Variants in STOX2 observed in about 807,000 individuals in gnomAD.
STOX2 encodes the protein storkhead-box protein 2.
A neutral mutation model predicts 60.9 loss-of-function variants in STOX2; 28 were observed. The ratio of observed to expected loss-of-function variants is 0.46; its 90% confidence interval spans 0.34 to 0.63. The LOEUF (loss-of-function observed/expected upper bound fraction) is 0.63, where lower values mean the gene tolerates loss of function less well. Among genes scored for constraint, STOX2 ranks in the 30% least tolerant of loss-of-function variants. The probability of loss-of-function intolerance (pLI) is 0.01; values close to 1 mark genes in which losing one functional copy is unlikely to be tolerated. For missense variants in STOX2, 1,024 were observed against 1,187.7 expected (o/e 0.86, Z 2.03); for synonymous variants, 472 against 463.9 (o/e 1.02, Z -0.22).
At chr4:184,014,435 AACGTGTGCTGTAG>A (rs1358990345) in intron 3 of STOX2, 15 of 152,122 alleles carry the variant, frequency 9.9e-5, no homozygotes, top group South Asian at 2.1e-4. Context: ...GTATTGCAAG[AACGTGTGCTGTAG>A]ACGCCTGGGG....
intron 1 of STOX2, among the ~76,000 whole-genome samples, chr4:183,891,980 C>A (rs1741225245): frequency 6.6e-6 from 1 of 152,140 alleles, no homozygotes; most frequent in Non-Finnish European, 1.5e-5. Flanking sequence ...CTGAGAAGAG[C>A]GTCAATAGGA....
Position 184,007,026 on chromosome 4 carries a change from A to C in STOX2, c.320-2132A>C, listed in dbSNP as rs554548316. Among the ~76,000 whole-genome samples, 407 of 130,258 alleles carry C rather than the reference A, an allele frequency of 3.1e-3. 31 individuals are homozygous for C. Among genetic ancestry groups the C allele is most frequent in the African/African-American group, 0.011 (327 of 28,704 alleles). 85.5% of individuals were successfully genotyped at this position (130,258 alleles called of 152,430 possible). ...GCGAGACTCTGTCTCAAAAAAAAAA[A>C]AAAAAACAAAACAAAAAAAAAATTT... On this transcript the variant is annotated intron_variant, in intron 2 of 3. Coordinates refer to ENST00000308497, the MANE Select transcript of STOX2 (RefSeq NM_020225.3).
chr4:183,890,499 A>AAAG (rs141289727), intron 1 of STOX2, among the ~76,000 whole-genome samples: 1 of 124,960 alleles, frequency 8.0e-6, no homozygotes, highest in African/African-American at 3.0e-5. Context: ...AAAAAAAAAA[A>AAAG]CAGCAACAGA....
intron 1 of STOX2, among the ~76,000 whole-genome samples, chr4:183,919,679 C>T (rs1010950539): frequency 1.3e-5 from 2 of 152,142 alleles, no homozygotes; most frequent in African/African-American, 4.8e-5. Flanking sequence ...TATCGTAGCT[C>T]ACTGCAACCT....
At position 183,969,317 on chromosome 4, in the gene STOX2, T is replaced by C. The variant is rs1455831081; in HGVS notation, c.167-32008T>C. On this transcript the variant is annotated intron_variant, in intron 1 of 3. Transcript: ENST00000308497. Reference sequence around the variant, plus strand: ...GAAAATGCAGCATGGTTTTTTATTATAGAAGAGCTTACAGACAACTTGTAT... The same window carrying C: ...GAAAATGCAGCATGGTTTTTTATTACAGAAGAGCTTACAGACAACTTGTAT... Among the ~76,000 whole-genome samples, 7 of 152,382 alleles carry C rather than the reference T, an allele frequency of 4.6e-5. No individual in the cohort carries two copies. In the East Asian group the frequency reaches 1.3e-3, roughly 29 times the overall value.
At chr4:183,997,056 G>A (rs1733372904) in intron 1 of STOX2, among the ~76,000 whole-genome samples, 1 of 152,174 alleles carries the variant, frequency 6.6e-6, no homozygotes, top group African/African-American at 2.4e-5. Flanking sequence ...TGGCATTCAC[G>A]TTGCCTTCTG....
chr4:183,854,775 G>A (rs1740246695), intron 1 of STOX2, among the ~76,000 whole-genome samples: 1 of 152,148 alleles, frequency 6.6e-6, no homozygotes, highest in African/African-American at 2.4e-5. Context: ...GACAATTAAT[G>A]ACAGATTGGA....
At position 184,010,908 on chromosome 4, in the gene STOX2, C is replaced by T; in HGVS notation, c.2070C>T (p.Ser690=). 6.2e-7 allele frequency: 1 copy of T among 1,613,162 alleles called. No homozygotes were observed. Among genetic ancestry groups the T allele is most frequent in the Non-Finnish European group, 8.5e-7 (1 of 1,179,512 alleles). Residue 690 remains serine, a synonymous_variant, in exon 3 of 4, where the codon AGC becomes AGT. Coordinates refer to ENST00000308497, the MANE Select transcript of STOX2 (RefSeq NM_020225.3). The surrounding 1 kb of genome is among the most constrained non-coding windows in gnomAD (Gnocchi z 4.5). ...LVQHHGAEPS[S]LDKRKEIFSK... is the part of the protein sequence containing the mutation. ...AGCACCATGGTGCCGAGCCCAGCAG[C>T]TTGGACAAGAGGAAAGAGATATTTA...
chr4:183,916,295 C>T (rs1741929859), intron 1 of STOX2, among the ~76,000 whole-genome samples: 1 of 152,192 alleles, frequency 6.6e-6, no homozygotes, highest in African/African-American at 2.4e-5. Flanking sequence ...CCCTGGAATC[C>T]TTGAGTTGCT....
At chr4:183,870,980 T>C (rs1363078036) in intron 1 of STOX2, among the ~76,000 whole-genome samples, 1 of 152,218 alleles carries the variant, frequency 6.6e-6, no homozygotes, top group East Asian at 1.9e-4. Context: ...CTAGAAATCA[T>C]GAAGATACTG....
Position 184,003,608 on chromosome 4 carries a change from G to A in STOX2, c.319+2131G>A, listed in dbSNP as rs60443828. Among the ~76,000 whole-genome samples the A allele has an allele frequency of 8.7e-3, 1,326 of 152,264 alleles. 59 individuals are homozygous for A. In the East Asian group the frequency reaches 0.12, roughly 14 times the overall value. On this transcript the variant is annotated intron_variant, in intron 2 of 3. Coordinates refer to ENST00000308497, the MANE Select transcript of STOX2 (RefSeq NM_020225.3). ...TTTGCTAACCTGCAGGCCTAGTGCG[G>A]CCCACCACCTGTTTTTGTAAATAAA...
intron 1 of STOX2, among the ~76,000 whole-genome samples, chr4:183,867,888 G>A (rs1317488762): frequency 1.3e-5 from 2 of 152,216 alleles, no homozygotes; most frequent in Non-Finnish European, 2.9e-5. Context: ...ATAGAGCACC[G>A]GTATGGCTCA....
intron 1 of STOX2, among the ~76,000 whole-genome samples, chr4:183,852,031 G>C (rs1740155253): frequency 1.2e-5 from 1 of 81,084 alleles, no homozygotes; most frequent in South Asian, 5.7e-4. Flanking sequence ...GAAAGGATGA[G>C]GGAAAGGATG....
At position 184,011,835 on chromosome 4, in the gene STOX2, T is replaced by C. The variant is rs938184954; in HGVS notation, c.2585+412T>C. On this transcript the variant is annotated intron_variant, in intron 3 of 3. Coordinates refer to ENST00000308497, the MANE Select transcript of STOX2 (RefSeq NM_020225.3). This position sits in a 1 kb window ranked among gnomAD's most constrained non-coding sequence, Gnocchi z 4.4. ...AAGATAGGGGTTGGGAGTAAACTGA[T>C]TGATGCTAAGATAGGGGTCCCTGTA... 6.6e-5 allele frequency among the ~76,000 whole-genome samples: 10 copies of C among 152,160 alleles called. No homozygotes were observed. The East Asian group carries it at 1.7e-3, about 26-fold the overall frequency.
intron 2 of STOX2, among the ~76,000 whole-genome samples, chr4:184,008,147 G>C (rs1733956492): frequency 6.6e-6 from 1 of 152,174 alleles, no homozygotes; most frequent in Non-Finnish European, 1.5e-5. Context: ...CATGACTCAA[G>C]CTGACCGATT....
At chr4:183,956,263 A>G (rs1259639221) in intron 1 of STOX2, among the ~76,000 whole-genome samples, 1 of 152,140 alleles carries the variant, frequency 6.6e-6, no homozygotes, top group Admixed American at 6.5e-5. Context: ...ACCAGCTTTT[A>G]ATTTATTTCT....
intron 1 of STOX2, among the ~76,000 whole-genome samples, chr4:183,950,654 T>C (rs1743041310): frequency 7.0e-6 from 1 of 141,888 alleles, no homozygotes; most frequent in Admixed American, 7.3e-5. Context: ...AGCAGGATGG[T>C]TGGGCATGCA....
intron 1 of STOX2, among the ~76,000 whole-genome samples, chr4:183,972,330 A>G (rs1021915049): frequency 7.2e-5 from 11 of 152,180 alleles, no homozygotes; most frequent in Admixed American, 7.2e-4. Flanking sequence ...AACTAAACCC[A>G]GCGTTCTAGC....
rs60808056 is a variant in STOX2 at position 183,840,399 on chromosome 4, T to G, written c.364+42344T>G. ...AATTCTCTCGGTAATTTCTGAGCCCTTCTTTAGGTGGTTGGCCACCAGGGG... is the reference window on the plus strand; with the variant it reads ...AATTCTCTCGGTAATTTCTGAGCCCGTCTTTAGGTGGTTGGCCACCAGGGG... On this transcript the variant is annotated intron_variant, in intron 1 of 2. Transcript: ENST00000513034. Among the ~76,000 whole-genome samples the G allele has an allele frequency of 4.5e-3, 688 of 152,324 alleles. 4 individuals carry two copies. The highest frequency in any genetic ancestry group is 0.016 in the African/African-American group (666 of 41,574).
Sources: allele counts gnomAD v4.1 joint callset (sites outside exome capture counted in the v4.1 genomes callset), GRCh38; gene constraint gnomAD v4.1.1; non-coding constraint Gnocchi (gnomAD v3.1); transcripts MANE v1.5; gene names NCBI Gene and HGNC (gene_info 2026-07-23, HGNC 2026-07-21).